Variants in BICD2 observed in about 807,000 individuals in gnomAD.
BICD2 encodes the protein BICD cargo adaptor 2.
BICD2 carries 25 observed loss-of-function variants against 72.9 expected under a neutral mutation model. The ratio of observed to expected loss-of-function variants is 0.34; its 90% CI spans 0.25 to 0.48. BICD2 has a LOEUF of 0.48. Among genes scored for constraint, BICD2 ranks in the 20% least tolerant of loss-of-function variants. The pLI is 0.99. For missense variants in BICD2, 894 were observed against 1,175.2 expected, an observed-to-expected ratio of 0.76 and a Z score of 3.50; for synonymous variants, 501 against 516.1, an observed-to-expected ratio of 0.97 and a Z score of 0.40.
At position 92,718,522 on chromosome 9, in the gene BICD2, G is replaced by A; in HGVS notation, c.2106+17C>T. The A allele has an allele frequency of 6.3e-7, 1 of 1,594,534 alleles. No individual in the cohort carries two copies. The highest frequency in any genetic ancestry group is 1.1e-5 in the South Asian group (1 of 88,812). ...CCAGTAGTAGGTGACATGTGCCCCTGCTGCCTGGCACCTCACCTGCTTGTT... is the reference window on the plus strand; with the variant it reads ...CCAGTAGTAGGTGACATGTGCCCCTACTGCCTGGCACCTCACCTGCTTGTT... On this transcript the variant is annotated intron_variant, in intron 5 of 6. Coordinates refer to ENST00000356884, the MANE Select transcript of BICD2 (RefSeq NM_001003800.2).
chr9:92,717,352 T>C (rs187271654), intron 6 of BICD2, among the ~76,000 whole-genome samples: 56 of 152,324 alleles, frequency 3.7e-4, no homozygotes, highest in African/African-American at 1.2e-3. Flanking sequence ...TGCGGTTTCA[T>C]TCACAGCAAA....
chr9:92,719,665 C>T, intron 4 of BICD2, 83 bp from the exon 5 acceptor site: 1 of 1,395,646 alleles, frequency 7.2e-7, no homozygotes, highest in Non-Finnish European at 9.5e-7. Flanking sequence ...GGCCTAGTGA[C>T]ATCCCACCCC....
chr9:92,734,123 G>GAAA (rs1256100901), intron 1 of BICD2, among the ~76,000 whole-genome samples: 5 of 152,196 alleles, frequency 3.3e-5, no homozygotes, highest in Admixed American at 3.3e-4. Flanking sequence ...AATGTTGAGT[G>GAAA]AAAAAAGCCA....
At chr9:92,749,705 C>A (rs1013398831) in intron 1 of BICD2, among the ~76,000 whole-genome samples, 14 of 152,228 alleles carry the variant, frequency 9.2e-5, no homozygotes, top group Non-Finnish European at 1.9e-4. Context: ...AGGCTTCTGG[C>A]CAGCTGCACC....
Position 92,719,162 on chromosome 9 carries a change from C to G in BICD2, c.1483G>C (p.Asp495His), listed in dbSNP as rs1211599425. 6.2e-7 allele frequency: 1 copy of G among 1,611,414 alleles called. No homozygotes were observed. The highest frequency in any genetic ancestry group is 1.7e-5 in the Admixed American group (1 of 60,028). ...TCCAGCCGGGCCAGCAGCTCGCGGT[C>G]CTGGCGGCTGGCCTTCTCTAGCAGG... ...VSLLEKASRQDRELLARLEKE... is the reference protein window; with the variant it reads ...VSLLEKASRQHRELLARLEKE... The change falls in exon 5 of 7, where the codon GAC (aspartate) becomes CAC (histidine). Residue 495 changes from aspartate to histidine, a missense_variant. By Grantham distance (81) the Asp-to-His change is moderately conservative. Transcript: ENST00000356884.
chr9:92,713,369 T>C lies in BICD2; in HGVS notation c.*1785A>G. 1.4e-6 allele frequency: 2 copies of C among 1,455,008 alleles called. No individual in the cohort carries two copies. The highest frequency in any genetic ancestry group is 4.8e-4 in the Middle Eastern group (2 of 4,168). 90.1% of individuals were successfully genotyped at this position (1,455,008 alleles called of 1,614,324 possible). On this transcript the variant is annotated 3_prime_UTR_variant, in exon 7 of 7. Transcript: ENST00000356884. Reference sequence around the variant, plus strand: ...TTCTAAGTGGGCTTTTAGGTTGCCCTTCCTTCCTCCTTGTGGGCCACGAGA... The same window carrying C: ...TTCTAAGTGGGCTTTTAGGTTGCCCCTCCTTCCTCCTTGTGGGCCACGAGA...
intron 1 of BICD2, among the ~76,000 whole-genome samples, chr9:92,745,769 T>A (rs1853998983): frequency 6.6e-6 from 1 of 152,122 alleles, no homozygotes; most frequent in Non-Finnish European, 1.5e-5. Context: ...CACATCTCCA[T>A]AAACGTTTCC....
intron 1 of BICD2, among the ~76,000 whole-genome samples, chr9:92,751,284 G>A (rs930662377): frequency 6.6e-6 from 1 of 152,028 alleles, no homozygotes; most frequent in Admixed American, 6.5e-5. Flanking sequence ...CCAAGTAGCT[G>A]GGACTGCAGA....
At chr9:92,724,131 C>T (rs904142189) in intron 2 of BICD2, among the ~76,000 whole-genome samples, 2 of 152,220 alleles carry the variant, frequency 1.3e-5, no homozygotes, top group Non-Finnish European at 2.9e-5. Context: ...CCATCACCAC[C>T]CCTGCTCCAA....
chr9:92,721,534 G>A (rs964383651), intron 3 of BICD2, among the ~76,000 whole-genome samples: 3 of 152,148 alleles, frequency 2.0e-5, no homozygotes, highest in Non-Finnish European at 4.4e-5. Flanking sequence ...AATATTTGGA[G>A]AAAAAAATAA....
At chr9:92,755,107 T>C (rs797019758) in intron 1 of BICD2, among the ~76,000 whole-genome samples, 1 of 152,316 alleles carries the variant, frequency 6.6e-6, no homozygotes, top group African/African-American at 2.4e-5. Flanking sequence ...AATGCACACC[T>C]AGGGGTAGGT....
intron 1 of BICD2, among the ~76,000 whole-genome samples, chr9:92,761,871 G>A (rs1854379645): frequency 6.6e-6 from 1 of 152,132 alleles, no homozygotes; most frequent in African/African-American, 2.4e-5. Flanking sequence ...CAACCAGGGG[G>A]CACCCACCTC....
At position 92,714,889 on chromosome 9, in the gene BICD2, G is replaced by A. The variant is rs769346074; in HGVS notation, c.*265C>T. ...TGCTTTCATCACACATCTGCTGCAA[G>A]AATGTGCAGCTCTATCCCCACCTCT... On this transcript the variant is annotated 3_prime_UTR_variant, in exon 7 of 7. Coordinates refer to ENST00000356884, the MANE Select transcript of BICD2 (RefSeq NM_001003800.2). 1 of 1,265,062 alleles carries A rather than the reference G, an allele frequency of 7.9e-7. No individual in the cohort carries two copies. Among genetic ancestry groups the A allele is most frequent in the Non-Finnish European group, 1.0e-6 (1 of 1,004,494 alleles). 78.4% of individuals were successfully genotyped at this position (1,265,062 alleles called of 1,614,324 possible). A position where few individuals can be genotyped will look rare whatever the true frequency, so the allele number is the denominator to read the frequency against.
Position 92,714,273 on chromosome 9 carries a change from T to C in BICD2, c.*881A>G. 2.0e-6 allele frequency: 2 copies of C among 985,552 alleles called. No individual in the cohort carries two copies. The highest frequency in any genetic ancestry group is 2.4e-6 in the Non-Finnish European group (2 of 829,996). 61.1% of individuals were successfully genotyped at this position (985,552 alleles called of 1,614,324 possible). On this transcript the variant is annotated 3_prime_UTR_variant, in exon 7 of 7. Transcript: ENST00000356884. ...GCTAGGGTTTTCAAAGCCCCATGTC[T>C]TTGGGACTGAACCCCCTATGGAAGG...
At chr9:92,716,482 G>A (rs1853315985) in intron 6 of BICD2, among the ~76,000 whole-genome samples, 1 of 152,100 alleles carries the variant, frequency 6.6e-6, no homozygotes, top group African/African-American at 2.4e-5. Flanking sequence ...GGGATACTGA[G>A]AAACTGGGAG....
chr9:92,731,445 GA>G, intron 1 of BICD2, among the ~76,000 whole-genome samples: 1 of 150,364 alleles, frequency 6.7e-6, no homozygotes, highest in Non-Finnish European at 1.5e-5. Context: ...GATTGTTGCA[GA>G]AATTAGAACT....
intron 1 of BICD2, among the ~76,000 whole-genome samples, chr9:92,747,592 AAC>A (rs531893093): frequency 1.3e-5 from 2 of 152,194 alleles, no homozygotes; most frequent in Non-Finnish European, 2.9e-5. Flanking sequence ...CCTCCAGCCT[AAC>A]ATTACCCTCA....
chr9:92,716,274 G>C (rs7869603), intron 6 of BICD2, among the ~76,000 whole-genome samples: 28,310 of 152,140 alleles, frequency 0.19, 3,799 homozygotes, highest in East Asian at 0.72. Flanking sequence ...AGGGCACACA[G>C]AGCTGTGATC....
rs759119780 is a variant in BICD2, at chr9:92,729,130, C to T, written c.347G>A (p.Arg116Gln). The T allele has an allele frequency of 1.1e-5, 17 of 1,614,124 alleles. No homozygotes were observed. Among genetic ancestry groups the T allele is most frequent in the South Asian group, 9.9e-5 (9 of 91,096 alleles). ...CTCCGTCTGCAGCTCTAGCACCTTC[C>T]GCACGTAGTACTGCTCCTTGGAGGC... ...ESASKEQYYV[R>Q]KVLELQTELK... Residue 116 changes from arginine (R) to glutamine (Q), a missense_variant, in exon 2 of 7, where the codon CGG becomes CAG. Arg to Gln is a conservative substitution (Grantham distance 43, BLOSUM62 1). Around this residue, in one of 5 missense-constraint regions of BICD2, gnomAD observed 192 missense variants for 243.6 expected, o/e 0.79. Coordinates refer to ENST00000356884, the MANE Select transcript of BICD2 (RefSeq NM_001003800.2).
Sources: gnomAD v4.1 joint callset for allele counts (sites outside exome capture counted in the v4.1 genomes callset) on GRCh38, gnomAD v4.1.1 for gene constraint, gnomAD v4.1.1 regional missense constraint, MANE v1.5 for transcripts, NCBI Gene and HGNC (gene_info 2026-07-23, HGNC 2026-07-21) for gene names.